NUP133: variants seen among roughly 807,000 people sequenced by gnomAD.
NUP133 encodes nucleoporin 133, also known as nuclear pore complex protein Nup133.
In NUP133, 66 loss-of-function variants were observed where a neutral mutation model predicts 146.2. That is an observed-to-expected ratio of 0.45 (90% CI 0.37 to 0.55). The LOEUF is 0.55. Ranked by LOEUF, NUP133 falls within the 20% of genes least tolerant of loss-of-function variation. The pLI is 0.00. For synonymous variants in NUP133, 521 were observed against 498.8 expected, an observed-to-expected ratio of 1.04 and a Z score of -0.59; for missense variants, 1,277 against 1,374.8, an observed-to-expected ratio of 0.93 and a Z score of 1.12.
chr1:229,489,816 C>T, intron 9 of NUP133, 139 bp downstream of exon 9: 1 of 606,782 alleles, frequency 1.6e-6, no homozygotes, highest in Non-Finnish European at 2.5e-6. Context: ...ACAGAGGTTG[C>T]AGTGAGCTGA....
intron 20 of NUP133, among the ~76,000 whole-genome samples, chr1:229,460,010 C>T (rs1660656754): frequency 1.3e-5 from 2 of 152,162 alleles, no homozygotes; most frequent in African/African-American, 4.8e-5. Flanking sequence ...TTCTCCATGT[C>T]TTCTCCAGCA....
At chr1:229,504,021 T>C (rs976112297) in intron 2 of NUP133, among the ~76,000 whole-genome samples, 1 of 152,088 alleles carries the variant, frequency 6.6e-6, no homozygotes, top group African/African-American at 2.4e-5. Flanking sequence ...GAACAATGTA[T>C]AGAAAGGTTA....
At chr1:229,485,324 G>T (rs1661322095) in intron 11 of NUP133, among the ~76,000 whole-genome samples, 1 of 152,210 alleles carries the variant, frequency 6.6e-6, no homozygotes, top group Admixed American at 6.5e-5. Context: ...AATAGAAAAG[G>T]GAAGTTCTGG....
chr1:229,480,109 T>C (rs1488410958), intron 12 of NUP133, among the ~76,000 whole-genome samples: 2 of 152,130 alleles, frequency 1.3e-5, no homozygotes, highest in African/African-American at 4.8e-5. Context: ...CTTCCTACTT[T>C]ATTGGGAGGG....
chr1:229,466,623 T>C lies in NUP133; in HGVS notation c.2199+11A>G, dbSNP rs772882655. On this transcript the variant is annotated intron_variant, in intron 16 of 25. Coordinates refer to ENST00000261396, the MANE Select transcript of NUP133 (RefSeq NM_018230.3). ...CTTTGATTTGCTGAAGCCTTTACTA[T>C]ATTTTTGTACCTTGAGAATATTGTT... The C allele has an allele frequency of 5.9e-5, 95 of 1,613,850 alleles. No individual in the cohort carries two copies. Among genetic ancestry groups the C allele is most frequent in the African/African-American group, 1.3e-5 (1 of 74,940 alleles).
At chr1:229,503,142 G>T (rs945848143) in intron 2 of NUP133, among the ~76,000 whole-genome samples, 2 of 151,994 alleles carry the variant, frequency 1.3e-5, no homozygotes, top group African/African-American at 4.8e-5. Context: ...TGGGGGCATG[G>T]TGGCGTGCAC....
intron 8 of NUP133, among the ~76,000 whole-genome samples, chr1:229,493,384 T>C (rs1347011979): frequency 1.3e-5 from 2 of 152,148 alleles, no homozygotes; most frequent in African/African-American, 4.8e-5. Context: ...TCTCGTTTTG[T>C]TGCCCAGGTG....
Position 229,444,960 on chromosome 1 carries a change from A to G in NUP133, c.3288T>C (p.Ser1096=). The G allele has an allele frequency of 6.2e-7, 1 of 1,612,972 alleles. No homozygotes were observed. Among genetic ancestry groups the G allele is most frequent in the East Asian group, 2.2e-5 (1 of 44,854 alleles). ...SDGKDDPIEV[S]KDSIFVKILQ... is the part of the protein sequence containing the mutation. ...AGATCTTCACAAATATACTGTCTTT[A>G]GATACTTCAATTGGATCATCTTTGC... Residue 1096 remains serine (S), a synonymous_variant, in exon 25 of 26, where the codon TCT becomes TCC. Transcript: ENST00000261396.
intron 2 of NUP133, among the ~76,000 whole-genome samples, chr1:229,505,502 T>C (rs1166789529): frequency 1.3e-5 from 2 of 150,146 alleles, no homozygotes; most frequent in African/African-American, 2.5e-5. Flanking sequence ...AAAGACTTAA[T>C]TTGATTGTGT....
intron 14 of NUP133, among the ~76,000 whole-genome samples, chr1:229,471,136 G>C (rs931780368): frequency 6.6e-6 from 1 of 152,016 alleles, no homozygotes; most frequent in Non-Finnish European, 1.5e-5. Context: ...TCTTTTTTGA[G>C]ACAGGGTTTT....
chr1:229,473,626 T>C (rs1661007843), intron 14 of NUP133, among the ~76,000 whole-genome samples: 1 of 152,072 alleles, frequency 6.6e-6, no homozygotes. Context: ...ACTCTTCCCA[T>C]CGAGAGGTAC....
chr1:229,469,768 C>G (rs1017078223), intron 15 of NUP133, among the ~76,000 whole-genome samples: 1 of 152,210 alleles, frequency 6.6e-6, no homozygotes, highest in African/African-American at 2.4e-5. Flanking sequence ...TGGCAGAAGC[C>G]GGAGGGCAAG....
chr1:229,472,707 CATATAT>C (rs372362492), intron 14 of NUP133, among the ~76,000 whole-genome samples: 9 of 124,314 alleles, frequency 7.2e-5, no homozygotes, highest in East Asian at 6.8e-4. Context: ...ACTAAATATA[CATATAT>C]ATATATATAT....
At chr1:229,467,304 C>T (rs951422240) in intron 15 of NUP133, among the ~76,000 whole-genome samples, 1 of 152,210 alleles carries the variant, frequency 6.6e-6, no homozygotes, top group African/African-American at 2.4e-5. Flanking sequence ...CCATCAGGCA[C>T]TGAAACTCCT....
chr1:229,444,052 G>C (rs1221305039), intron 25 of NUP133, among the ~76,000 whole-genome samples: 2 of 152,028 alleles, frequency 1.3e-5, no homozygotes, highest in East Asian at 3.9e-4. Flanking sequence ...AAAAGTTTCA[G>C]CTGGGCGTGG....
At chr1:229,481,291 T>C (rs1002882729) in intron 12 of NUP133, among the ~76,000 whole-genome samples, 4 of 152,210 alleles carry the variant, frequency 2.6e-5, no homozygotes, top group Non-Finnish European at 2.9e-5. Flanking sequence ...GGTTGAATAG[T>C]GTCTCCCACA....
intron 24 of NUP133, among the ~76,000 whole-genome samples, chr1:229,445,614 C>G (rs1446434334): frequency 6.6e-6 from 1 of 152,164 alleles, no homozygotes; most frequent in African/African-American, 2.4e-5. Context: ...CCACTGGACC[C>G]AGCCAGAAGC....
intron 24 of NUP133, among the ~76,000 whole-genome samples, chr1:229,445,300 T>C (rs1660279839): frequency 1.3e-5 from 2 of 152,180 alleles, no homozygotes; most frequent in South Asian, 4.1e-4. Context: ...TCTTACCTAT[T>C]TGATTTCAGA....
At chr1:229,443,019 C>G (rs1461321637) in intron 25 of NUP133, among the ~76,000 whole-genome samples, 1 of 151,356 alleles carries the variant, frequency 6.6e-6, no homozygotes, top group Non-Finnish European at 1.5e-5. Context: ...TTTTTTGGTT[C>G]TTAATTGTAG....
Sources: gnomAD v4.1 joint callset for allele counts (sites outside exome capture counted in the v4.1 genomes callset) on GRCh38, gnomAD v4.1.1 for gene constraint, MANE v1.5 for transcripts, NCBI Gene and HGNC (gene_info 2026-07-23, HGNC 2026-07-21) for gene names.